EPHA4: variants seen among roughly 807,000 people sequenced by gnomAD.
The protein encoded by EPHA4 is EPH receptor A4.
EPHA4 carries 19 observed loss-of-function variants against 108.3 expected under a neutral mutation model. That is an observed-to-expected ratio of 0.18 (90% CI 0.12 to 0.26). The LOEUF (loss-of-function observed/expected upper bound fraction) is 0.26. Ranked by LOEUF, EPHA4 falls within the 10% of genes least tolerant of loss-of-function variation. The pLI is 1.00. For missense variants in EPHA4, 917 were observed against 1,254.0 expected, an observed-to-expected ratio of 0.73 and a Z score of 4.06; for synonymous variants, 449 against 455.5, an observed-to-expected ratio of 0.99 and a Z score of 0.18.
At chr2:221,520,297 T>C (rs919968046) in intron 3 of EPHA4, among the ~76,000 whole-genome samples, 5 of 152,162 alleles carry the variant, frequency 3.3e-5, no homozygotes, top group African/African-American at 4.8e-5. Flanking sequence ...CTACAAATAA[T>C]GAAATTTTAT....
intron 3 of EPHA4, among the ~76,000 whole-genome samples, chr2:221,521,514 C>G (rs953141128): frequency 1.3e-5 from 2 of 152,096 alleles, no homozygotes; most frequent in African/African-American, 4.8e-5. Flanking sequence ...ATTGGAGAGA[C>G]AGGTCTGGAG....
intron 3 of EPHA4, among the ~76,000 whole-genome samples, chr2:221,501,697 C>T (rs1050902895): frequency 1.3e-5 from 2 of 152,058 alleles, no homozygotes; most frequent in African/African-American, 2.4e-5. Context: ...TTTAGCCAAC[C>T]AGTGGGAAGT....
intron 3 of EPHA4, among the ~76,000 whole-genome samples, chr2:221,541,507 T>A (rs1693838898): frequency 6.6e-6 from 1 of 152,112 alleles, no homozygotes; most frequent in African/African-American, 2.4e-5. Flanking sequence ...CCAGTCCTAA[T>A]GGGGAACTGG....
chr2:221,437,240 T>C, intron 11 of EPHA4, 118 bp from the exon 12 acceptor site: 1 of 695,944 alleles, frequency 1.4e-6, no homozygotes, highest in East Asian at 2.7e-5. Flanking sequence ...CTAATTTAAT[T>C]AAAACAAGCC....
intron 5 of EPHA4, among the ~76,000 whole-genome samples, chr2:221,469,914 C>T (rs745409962): frequency 3.3e-5 from 5 of 152,134 alleles, no homozygotes; most frequent in South Asian, 2.1e-4. Flanking sequence ...AAAAAGATCA[C>T]GTGAGCTGCT....
intron 8 of EPHA4, among the ~76,000 whole-genome samples, chr2:221,446,698 A>G (rs1690604428): frequency 6.6e-6 from 1 of 152,206 alleles, no homozygotes. Context: ...CTTCATTATC[A>G]TATTACATGA....
At chr2:221,572,381 G>T (rs1259744716), upstream of EPHA4, 14 of 746,094 alleles carry the variant, frequency 1.9e-5, no homozygotes, top group Non-Finnish European at 2.4e-5. Context: ...CCAGTCCGGG[G>T]CCCGCGGCCA....
chr2:221,480,405 A>G (rs572730194), intron 5 of EPHA4, among the ~76,000 whole-genome samples: 89 of 152,354 alleles, frequency 5.8e-4, no homozygotes, highest in Non-Finnish European at 1.0e-3. Flanking sequence ...TACTGATTGG[A>G]TCATCAACCA....
chr2:221,438,220 T>A (rs189057443), intron 11 of EPHA4, among the ~76,000 whole-genome samples: 3 of 152,002 alleles, frequency 2.0e-5, no homozygotes, highest in South Asian at 2.1e-4. Flanking sequence ...GATTTTAAGC[T>A]CTGAGCAGAA....
At chr2:221,481,755 G>A (rs1691827122) in intron 5 of EPHA4, among the ~76,000 whole-genome samples, 1 of 152,130 alleles carries the variant, frequency 6.6e-6, no homozygotes, top group Admixed American at 6.5e-5. Context: ...TCTAGTATAG[G>A]TCCACCTAGA....
chr2:221,482,726 C>T lies in EPHA4; in HGVS notation c.980-36G>A, dbSNP rs183827148. On this transcript the variant is annotated intron_variant, in intron 4 of 17. Coordinates refer to ENST00000281821, the MANE Select transcript of EPHA4 (RefSeq NM_004438.5). ...AAAACCACATCATCACACCAAGAAC[C>T]GAAATACCCTTTTGGAATCTCTCAG... 1,002 of 1,521,820 alleles carry T rather than the reference C, an allele frequency of 6.6e-4. 2 individuals are homozygous for T. In the African/African-American group the frequency reaches 1.0e-2, roughly 15 times the overall value. The allele number at this position is 1,521,820 out of a possible 1,614,324, so 94.3% of individuals were successfully genotyped here. A position where few individuals can be genotyped will look rare whatever the true frequency, so the allele number is the denominator to read the frequency against.
intron 3 of EPHA4, among the ~76,000 whole-genome samples, chr2:221,528,044 C>G (rs1274363858): frequency 6.6e-6 from 1 of 151,928 alleles, no homozygotes; most frequent in African/African-American, 2.4e-5. Flanking sequence ...TTCCCCTCCC[C>G]TTCCTTCTCT....
At chr2:221,514,109 T>C (rs1387916589) in intron 3 of EPHA4, among the ~76,000 whole-genome samples, 1 of 150,852 alleles carries the variant, frequency 6.6e-6, no homozygotes, top group African/African-American at 2.5e-5. Flanking sequence ...GGTTTGAAAA[T>C]CTACTTAATG....
chr2:221,496,346 C>G (rs1051098947), intron 4 of EPHA4, among the ~76,000 whole-genome samples: 1 of 152,046 alleles, frequency 6.6e-6, no homozygotes, highest in African/African-American at 2.4e-5. Flanking sequence ...AAATAAGAAC[C>G]TAAATTTCAA....
In EPHA4 at chr2:221,567,240, T is replaced by G. The variant is rs180976017; in HGVS notation, c.159+1478A>C. On this transcript the variant is annotated intron_variant, in intron 2 of 17. Coordinates refer to ENST00000281821, the MANE Select transcript of EPHA4 (RefSeq NM_004438.5). The stretch of plus-strand genomic sequence containing the variant: ...AATTTATTAATACAAGTACTGACAC[T>G]TTCCATCCTTAATTTTACCAGCAGT... Among the ~76,000 whole-genome samples the G allele has an allele frequency of 2.4e-3, 370 of 152,248 alleles. 2 individuals carry two copies. The highest frequency in any genetic ancestry group is 8.4e-3 in the African/African-American group (348 of 41,546).
At chr2:221,473,875 T>C (rs1056575296) in intron 5 of EPHA4, among the ~76,000 whole-genome samples, 1 of 152,322 alleles carries the variant, frequency 6.6e-6, no homozygotes, top group Admixed American at 6.5e-5. Flanking sequence ...AGCACAACAC[T>C]GAGAGATGAG....
At chr2:221,456,924 TG>T (rs1266970166) in intron 6 of EPHA4, 152 bp from the exon 7 acceptor site, 1 of 773,186 alleles carries the variant, frequency 1.3e-6, no homozygotes, top group Non-Finnish European at 2.0e-6. Context: ...TTCTCTTGGA[TG>T]TTATAAGTAC....
chr2:221,501,685 C>G (rs1426740835), intron 3 of EPHA4, among the ~76,000 whole-genome samples: 1 of 152,084 alleles, frequency 6.6e-6, no homozygotes, highest in East Asian at 1.9e-4. Context: ...CAGAGTGTAG[C>G]CTTTAGCCAA....
intron 4 of EPHA4, among the ~76,000 whole-genome samples, chr2:221,498,879 C>T (rs1468565422): frequency 1.3e-5 from 2 of 150,636 alleles, no homozygotes; most frequent in Admixed American, 1.3e-4. Context: ...GCAACCTCTG[C>T]CTTCCGGTTC....
Sources: gnomAD v4.1 joint callset for allele counts (sites outside exome capture counted in the v4.1 genomes callset) on GRCh38, gnomAD v4.1.1 for gene constraint, MANE v1.5 for transcripts, NCBI Gene and HGNC (gene_info 2026-07-23, HGNC 2026-07-21) for gene names.